Variants in SYN2 observed in about 807,000 individuals in gnomAD.
SYN2 encodes the protein synapsin-2.
In SYN2, 19 loss-of-function variants were observed where a neutral mutation model predicts 50.9. That is an observed-to-expected ratio of 0.37 (90% CI 0.26 to 0.55). SYN2 has a LOEUF of 0.55. Ranked by LOEUF, SYN2 falls within the 20% of genes least tolerant of loss-of-function variation. SYN2 has a pLI of 0.81. For synonymous variants in SYN2, 255 were observed against 224.9 expected (o/e 1.13, Z -1.20); for missense variants, 587 against 576.4 (o/e 1.02, Z -0.19).
intron 7 of SYN2, 88 bp from the exon 8 acceptor site, chr3:12,167,146 C>T: frequency 7.5e-7 from 1 of 1,341,938 alleles, no homozygotes; most frequent in Non-Finnish European, 1.0e-6. Context: ...TGGAAAGCAA[C>T]AGTGAACTAA....
At chr3:12,026,782 A>C (rs1694268758) in intron 1 of SYN2, among the ~76,000 whole-genome samples, 1 of 152,156 alleles carries the variant, frequency 6.6e-6, no homozygotes, top group Non-Finnish European at 1.5e-5. Context: ...CTAATGAAAA[A>C]TGTTAAATAT....
At chr3:12,066,294 A>G (rs1695216993) in intron 1 of SYN2, among the ~76,000 whole-genome samples, 1 of 152,214 alleles carries the variant, frequency 6.6e-6, no homozygotes, top group Non-Finnish European at 1.5e-5. Context: ...ACTCTGGGCT[A>G]TCTTAATAGT....
chr3:12,170,506 C>T (rs780109425), intron 10 of SYN2, among the ~76,000 whole-genome samples: 2 of 152,154 alleles, frequency 1.3e-5, no homozygotes, highest in Admixed American at 6.5e-5. Flanking sequence ...ATTCCAGCTG[C>T]GGGTCTAGTG....
chr3:12,156,619 A>G (rs373851439), intron 5 of SYN2, among the ~76,000 whole-genome samples: 49 of 152,308 alleles, frequency 3.2e-4, no homozygotes, highest in African/African-American at 1.0e-3. Flanking sequence ...TCACTGTACT[A>G]AGAACTCTTA....
chr3:12,079,416 C>G (rs1437416274), intron 1 of SYN2, among the ~76,000 whole-genome samples: 2 of 152,152 alleles, frequency 1.3e-5, no homozygotes, highest in Non-Finnish European at 2.9e-5. Flanking sequence ...TTTGCCCATT[C>G]AGTATGATAT....
At chr3:12,155,656 T>G (rs969920722) in intron 5 of SYN2, among the ~76,000 whole-genome samples, 2 of 152,204 alleles carry the variant, frequency 1.3e-5, no homozygotes, top group Admixed American at 1.3e-4. Context: ...GCTTGTGCCT[T>G]CTCCTGTAGG....
chr3:12,150,059 T>A (rs764626605), intron 4 of SYN2, among the ~76,000 whole-genome samples: 1 of 152,240 alleles, frequency 6.6e-6, no homozygotes, highest in Non-Finnish European at 1.5e-5. Flanking sequence ...GAGCTTTTAC[T>A]GCCCCAACCT....
At chr3:12,157,837 A>G (rs1394319174) in intron 5 of SYN2, among the ~76,000 whole-genome samples, 1 of 151,964 alleles carries the variant, frequency 6.6e-6, no homozygotes, top group Non-Finnish European at 1.5e-5. Flanking sequence ...GTCGGTGTGA[A>G]GTTTATCTAT....
At chr3:12,009,432 G>T (rs1693871635) in intron 1 of SYN2, among the ~76,000 whole-genome samples, 2 of 151,924 alleles carry the variant, frequency 1.3e-5, no homozygotes, top group Admixed American at 1.3e-4. Context: ...TCAAGGACTG[G>T]TGGGGACTTT....
At chr3:12,052,763 A>G (rs1694895468) in intron 1 of SYN2, among the ~76,000 whole-genome samples, 1 of 152,188 alleles carries the variant, frequency 6.6e-6, no homozygotes, top group Non-Finnish European at 1.5e-5. Flanking sequence ...TCTTTCCAGA[A>G]AGAGAAAAAC....
chr3:12,187,387 A>G lies in SYN2; in HGVS notation c.1388A>G (p.Gln463Arg). The G allele has an allele frequency of 6.5e-7, 1 of 1,547,606 alleles. No individual in the cohort carries two copies. Among genetic ancestry groups the G allele is most frequent in the Non-Finnish European group, 8.7e-7 (1 of 1,143,688 alleles). ...PPPQGGPGQP[Q>R]GMQPPGKVLP... ...AACCTAGGGGGCCCTGGGCAACCCC[A>G]AGGAATGCAGCCCCCAGGCAAGGTG... is the stretch of plus-strand genomic sequence containing the variant. The change falls in exon 12 of 13, where the codon CAA (glutamine) becomes CGA (arginine). Residue 463 changes from glutamine (Q) to arginine (R), a missense_variant. Gln to Arg is a conservative substitution (Grantham distance 43). Coordinates refer to ENST00000621198, the MANE Select transcript of SYN2 (RefSeq NM_133625.6).
intron 1 of SYN2, among the ~76,000 whole-genome samples, chr3:12,101,415 A>G (rs918408688): frequency 1.3e-5 from 2 of 152,210 alleles, no homozygotes; most frequent in Non-Finnish European, 2.9e-5. Flanking sequence ...GATTTCATTT[A>G]TATGAAATGT....
At chr3:12,010,389 G>A (rs959341276) in intron 1 of SYN2, among the ~76,000 whole-genome samples, 2 of 152,158 alleles carry the variant, frequency 1.3e-5, no homozygotes, top group Non-Finnish European at 1.5e-5. Context: ...AGGGATATAA[G>A]GATTAAACAC....
intron 1 of SYN2, among the ~76,000 whole-genome samples, chr3:12,093,495 A>G (rs769487042): frequency 8.5e-5 from 13 of 152,102 alleles, no homozygotes; most frequent in Non-Finnish European, 1.6e-4. Context: ...TCCCCTGGTA[A>G]GATAGCTAGT....
intron 1 of SYN2, among the ~76,000 whole-genome samples, chr3:12,102,911 G>A (rs1329348475): frequency 6.6e-6 from 1 of 152,098 alleles, no homozygotes; most frequent in East Asian, 1.9e-4. Flanking sequence ...GAGCCAGAAG[G>A]ACTGAAATGG....
chr3:12,156,010 A>G (rs1697445937), intron 5 of SYN2, among the ~76,000 whole-genome samples: 1 of 152,192 alleles, frequency 6.6e-6, no homozygotes, highest in Admixed American at 6.5e-5. Flanking sequence ...TGACTCATCA[A>G]GAGCCATGTC....
chr3:12,005,200 A>G (rs1693770305), intron 1 of SYN2, among the ~76,000 whole-genome samples: 1 of 152,142 alleles, frequency 6.6e-6, no homozygotes, highest in East Asian at 1.9e-4. Context: ...TACTTTATGC[A>G]ACAGGAAAGG....
intron 1 of SYN2, among the ~76,000 whole-genome samples, chr3:12,085,462 A>G (rs1417228075): frequency 6.6e-6 from 1 of 152,164 alleles, no homozygotes. Flanking sequence ...GACAGACTGC[A>G]ATACAATAAT....
At chr3:12,104,577 T>TC (rs1344478204) in intron 1 of SYN2, among the ~76,000 whole-genome samples, 12 of 129,476 alleles carry the variant, frequency 9.3e-5, no homozygotes, top group Admixed American at 7.7e-4. Flanking sequence ...TTTCTTTTTT[T>TC]TTTTTTTTTT....
Sources: allele counts gnomAD v4.1 joint callset (sites outside exome capture counted in the v4.1 genomes callset), GRCh38; gene constraint gnomAD v4.1.1; transcripts MANE v1.5; gene names NCBI Gene and HGNC (gene_info 2026-07-23, HGNC 2026-07-21).